The following RAB25 variants were observed in gnomAD, a reference collection of about 807,000 sequenced individuals.
The protein encoded by RAB25 is RAB25, member RAS oncogene family.
RAB25 carries 23 observed loss-of-function variants against 25.2 expected under a neutral mutation model. The observed-to-expected ratio is 0.91, with a 90% CI of 0.66 to 1.29. The LOEUF (loss-of-function observed/expected upper bound fraction) is 1.29. Ranked by LOEUF, RAB25 falls within the 50% of genes most tolerant of loss-of-function variation. The pLI is 0.00. For synonymous variants in RAB25, 102 were observed against 111.5 expected, an observed-to-expected ratio of 0.91 and a Z score of 0.54; for missense variants, 244 against 277.3, an observed-to-expected ratio of 0.88 and a Z score of 0.85.
chr1:156,061,344 A>G lies in RAB25; in HGVS notation c.-57A>G. 1.9e-6 allele frequency: 3 copies of G among 1,559,034 alleles called. No individual in the cohort carries two copies. The highest frequency in any genetic ancestry group is 2.7e-5 in the African/African-American group (2 of 73,870). ...TGAGGGTTGAGGGCATTGAGCCAACACACAGATTTGTCGCCTCTGTCCCCG... is the reference window on the plus strand; with the variant it reads ...TGAGGGTTGAGGGCATTGAGCCAACGCACAGATTTGTCGCCTCTGTCCCCG... On this transcript the variant is annotated 5_prime_UTR_variant, in exon 1 of 5. Transcript: ENST00000361084.
In RAB25 at chr1:156,064,347, C is replaced by T. The variant is rs1439267750; in HGVS notation, c.44-1564C>T. ...CCACAACCTACGGGGCTCAAACAAT[C>T]CTTCCACCTCAGCCTCTTGAGTAGC... On this transcript the variant is annotated intron_variant, in intron 1 of 4. Transcript: ENST00000361084. Among the ~76,000 whole-genome samples the T allele has an allele frequency of 2.0e-5, 3 of 152,220 alleles. No individual in the cohort carries two copies. The East Asian group carries it at 5.8e-4, about 29-fold the overall frequency.
At chr1:156,070,023 T>G (rs1647861267) in intron 4 of RAB25, 137 bp from the exon 5 acceptor site, 1 of 1,362,088 alleles carries the variant, frequency 7.3e-7, no homozygotes, top group East Asian at 2.4e-5. Context: ...ACACTTCATT[T>G]CCTTCCTGCA....
intron 1 of RAB25, 54 bp from the exon 2 acceptor site, chr1:156,065,857 T>C: frequency 7.3e-7 from 1 of 1,366,582 alleles, no homozygotes; most frequent in Non-Finnish European, 9.8e-7. Flanking sequence ...CAAGCTCAGG[T>C]GGGGTTGGAG....
intron 1 of RAB25, among the ~76,000 whole-genome samples, chr1:156,065,037 T>G (rs1415078943): frequency 6.6e-6 from 1 of 152,152 alleles, no homozygotes; most frequent in Non-Finnish European, 1.5e-5. Flanking sequence ...CCCACCAGTC[T>G]AAAGGGTCTT....
At chr1:156,064,700 C>A (rs1389877774) in intron 1 of RAB25, among the ~76,000 whole-genome samples, 1 of 152,192 alleles carries the variant, frequency 6.6e-6, no homozygotes, top group East Asian at 1.9e-4. Context: ...CAGGCGTGAA[C>A]CTCCACACCC....
chr1:156,068,715 G>T (rs1204577391), intron 3 of RAB25, among the ~76,000 whole-genome samples: 1 of 141,456 alleles, frequency 7.1e-6, no homozygotes, highest in Admixed American at 7.3e-5. Flanking sequence ...TTGAGACCGG[G>T]TCTCAATCTG....
intron 4 of RAB25, 58 bp downstream of exon 4, chr1:156,069,809 C>T (rs1433083140): frequency 3.5e-6 from 5 of 1,431,308 alleles, no homozygotes; most frequent in Non-Finnish European, 4.9e-6. Context: ...CTACAGGCAG[C>T]AGTAGGAATG....
chr1:156,066,205 C>A, intron 2 of RAB25, 99 bp downstream of exon 2: 27 of 959,748 alleles, frequency 2.8e-5, no homozygotes, highest in Middle Eastern at 3.6e-4. Context: ...CAAGGGGGCT[C>A]AGCAGTGGGC....
rs1213711726 is a variant in RAB25, at chr1:156,066,096, A to G, written c.229A>G (p.Ile77Val). The change falls in exon 2 of 5, where the codon ATC becomes GTC. Residue 77 changes from isoleucine to valine, a missense_variant. Transcript: ENST00000361084. ...DTAGLERYRA[I>V]TSAYYRGAVG... ...AGCTGGCCTGGAGCGGTACCGAGCC[A>G]TCACCTCGGCGTGAGCCCGGGCCTG... is the stretch of plus-strand genomic sequence containing the variant. 5.7e-6 allele frequency: 9 copies of G among 1,587,372 alleles called. No individual in the cohort carries two copies. Among genetic ancestry groups the G allele is most frequent in the Non-Finnish European group, 7.7e-6 (9 of 1,161,810 alleles).
chr1:156,066,215 C>A, intron 2 of RAB25, 109 bp downstream of exon 2: 1 of 893,238 alleles, frequency 1.1e-6, no homozygotes, highest in South Asian at 2.5e-5. Context: ...CAGCAGTGGG[C>A]TCTGGGGGGT....
chr1:156,069,144 A>G (rs531267272), intron 3 of RAB25, among the ~76,000 whole-genome samples: 1 of 152,116 alleles, frequency 6.6e-6, no homozygotes, highest in Non-Finnish European at 1.5e-5. Flanking sequence ...GCTCTTGGCC[A>G]GTTACTAAAT....
intron 1 of RAB25, among the ~76,000 whole-genome samples, chr1:156,062,024 C>T (rs1647598240): frequency 6.6e-6 from 1 of 151,928 alleles, no homozygotes; most frequent in South Asian, 2.1e-4. Flanking sequence ...TCATGATCCG[C>T]CTACCTCGGC....
Position 156,061,258 on chromosome 1 carries a change from TG to T in RAB25, c.-141del. ...ACCTTGAGTTGGCCCCCAATCCCTC[TG>T]GCTGCAGAAGTCCCCTTACCCCCAA... is the stretch of plus-strand genomic sequence containing the variant. On this transcript the variant is annotated 5_prime_UTR_variant, in exon 1 of 5. Coordinates refer to ENST00000361084, the MANE Select transcript of RAB25 (RefSeq NM_020387.4). The T allele has an allele frequency of 1.2e-6, 1 of 819,370 alleles. No individual in the cohort carries two copies. The highest frequency in any genetic ancestry group is 2.0e-6 in the Non-Finnish European group (1 of 494,610). The allele number at this position is 819,370 out of a possible 1,614,324, so 50.8% of individuals were successfully genotyped here. A position where few individuals can be genotyped will look rare whatever the true frequency, so the allele number is the denominator to read the frequency against.
intron 2 of RAB25, among the ~76,000 whole-genome samples, chr1:156,067,166 G>A (rs1397420792): frequency 6.6e-6 from 1 of 150,492 alleles, no homozygotes; most frequent in Non-Finnish European, 1.5e-5. Flanking sequence ...CTGGGAGGTG[G>A]AGGTTGCAGT....
Position 156,065,946 on chromosome 1 carries a change from A to G in RAB25, c.79A>G (p.Asn27Asp), listed in dbSNP as rs886878890. Reference protein sequence around the residue: ...LIGESGVGKTNLLSRFTRNEF... With the variant: ...LIGESGVGKTDLLSRFTRNEF... ...CGGCGAATCAGGTGTGGGGAAGACC[A>G]ATCTACTCTCCCGATTCACGCGCAA... The change falls in exon 2 of 5, where the codon AAT becomes GAT. Residue 27 changes from asparagine (N) to aspartate (D), a missense_variant. Coordinates refer to ENST00000361084, the MANE Select transcript of RAB25 (RefSeq NM_020387.4). The G allele has an allele frequency of 3.1e-6, 5 of 1,612,416 alleles. No individual in the cohort carries two copies. Among genetic ancestry groups the G allele is most frequent in the Non-Finnish European group, 4.2e-6 (5 of 1,178,964 alleles).
intron 1 of RAB25, among the ~76,000 whole-genome samples, chr1:156,065,275 C>T (rs943424975): frequency 6.6e-6 from 1 of 152,206 alleles, no homozygotes; most frequent in Non-Finnish European, 1.5e-5. Context: ...CATAGCTGGT[C>T]TAACACCCAG....
intron 4 of RAB25, 32 bp downstream of exon 4, chr1:156,069,783 T>A: frequency 6.4e-7 from 1 of 1,554,010 alleles, no homozygotes; most frequent in Non-Finnish European, 8.9e-7. Context: ...GCACCCCTAT[T>A]CCATCCCCGT....
At chr1:156,064,054 G>A (rs1017370121) in intron 1 of RAB25, among the ~76,000 whole-genome samples, 4 of 152,026 alleles carry the variant, frequency 2.6e-5, no homozygotes, top group South Asian at 2.1e-4. Context: ...GTGGTATGAC[G>A]CTAGGGCTGA....
At chr1:156,067,388 C>T (rs1417605241) in intron 2 of RAB25, among the ~76,000 whole-genome samples, 1 of 152,200 alleles carries the variant, frequency 6.6e-6, no homozygotes, top group Non-Finnish European at 1.5e-5. Flanking sequence ...TCCTCGTTAC[C>T]TGATCTCTTA....
Sources: gnomAD v4.1 joint callset for allele counts (sites outside exome capture counted in the v4.1 genomes callset) on GRCh38, gnomAD v4.1.1 for gene constraint, MANE v1.5 for transcripts, NCBI Gene and HGNC (gene_info 2026-07-23, HGNC 2026-07-21) for gene names.